SLIT3: variants seen among roughly 807,000 people sequenced by gnomAD.
SLIT3 encodes the protein slit guidance ligand 3.
In SLIT3, 68 loss-of-function variants were observed where a neutral mutation model predicts 184.0. The ratio of observed to expected loss-of-function variants is 0.37; its 90% CI spans 0.30 to 0.45. The LOEUF (loss-of-function observed/expected upper bound fraction) is 0.45. Among genes scored for constraint, SLIT3 ranks in the 20% least tolerant of loss-of-function variants. SLIT3 has a pLI of 1.00. For missense variants in SLIT3, 1,707 were observed against 2,026.0 expected (o/e 0.84, Z 3.02); for synonymous variants, 831 against 828.6 (o/e 1.00, Z -0.05).
At chr5:168,753,786 C>T (rs1482477820) in intron 17 of SLIT3, 78 bp downstream of exon 17, 13 of 1,529,788 alleles carry the variant, frequency 8.5e-6, no homozygotes, top group South Asian at 5.9e-5. Flanking sequence ...TCCCACTTGC[C>T]TTCGTAGTCT....
chr5:168,763,258 C>A (rs548371121), intron 14 of SLIT3, among the ~76,000 whole-genome samples: 1 of 152,132 alleles, frequency 6.6e-6, no homozygotes, highest in East Asian at 1.9e-4. Flanking sequence ...CAATAAATGA[C>A]CATCGACGCC....
At chr5:168,767,769 C>A (rs1031005047) in intron 14 of SLIT3, among the ~76,000 whole-genome samples, 1 of 152,180 alleles carries the variant, frequency 6.6e-6, no homozygotes, top group Non-Finnish European at 1.5e-5. Flanking sequence ...TTAGCTGCCA[C>A]TTGGAAAAAT....
chr5:169,061,457 G>A (rs1009785435), intron 4 of SLIT3, among the ~76,000 whole-genome samples: 1 of 152,202 alleles, frequency 6.6e-6, no homozygotes, highest in Non-Finnish European at 1.5e-5. Flanking sequence ...CTTAGGCAGA[G>A]GCCCAATAGC....
intron 4 of SLIT3, among the ~76,000 whole-genome samples, chr5:169,170,443 T>C (rs1026678345): frequency 4.6e-5 from 7 of 152,174 alleles, no homozygotes; most frequent in African/African-American, 1.7e-4. Flanking sequence ...CAGCCAATTG[T>C]TGGTCCTGGG....
chr5:168,765,193 C>T (rs1269986013), intron 14 of SLIT3, among the ~76,000 whole-genome samples: 1 of 152,266 alleles, frequency 6.6e-6, no homozygotes, highest in East Asian at 1.9e-4. Flanking sequence ...GGGACAGCCG[C>T]CTATTAAATG....
intron 4 of SLIT3, among the ~76,000 whole-genome samples, chr5:169,116,658 A>G (rs972764635): frequency 3.3e-5 from 5 of 152,224 alleles, no homozygotes; most frequent in African/African-American, 1.2e-4. Flanking sequence ...TGATCCTTCC[A>G]TTAATTATGT....
intron 4 of SLIT3, among the ~76,000 whole-genome samples, chr5:168,943,826 T>C (rs1762392784): frequency 6.6e-6 from 1 of 152,176 alleles, no homozygotes; most frequent in Non-Finnish European, 1.5e-5. Context: ...ACACCTTGAA[T>C]TAGTGCTTTG....
intron 4 of SLIT3, among the ~76,000 whole-genome samples, chr5:169,080,248 A>G (rs975749173): frequency 2.6e-5 from 4 of 152,178 alleles, no homozygotes; most frequent in African/African-American, 9.7e-5. Context: ...CCTAGTCAAA[A>G]AGAGGCCTCA....
intron 3 of SLIT3, among the ~76,000 whole-genome samples, chr5:169,215,997 A>T (rs4868391): frequency 0.24 from 36,517 of 152,170 alleles, 5,299 homozygotes; most frequent in Non-Finnish European, 0.34. Flanking sequence ...CATGCCTATT[A>T]TTATCCCTAA....
In SLIT3 at chr5:168,772,824, G is replaced by T. The variant is rs1399501911; in HGVS notation, c.1416C>A (p.Asn472Lys). The T allele has an allele frequency of 6.2e-7, 1 of 1,614,164 alleles. No homozygotes were observed. The highest frequency in any genetic ancestry group is 1.3e-5 in the African/African-American group (1 of 75,056). The change falls in exon 14 of 36, where the codon AAC becomes AAA. Residue 472 changes from asparagine (N) to lysine (K), a missense_variant. Asn to Lys is a moderately conservative substitution (Grantham distance 94). Around this residue, in one of 3 missense-constraint regions of SLIT3, gnomAD observed 1,307 missense variants for 1,511.6 expected, o/e 0.86. Coordinates refer to ENST00000519560, the MANE Select transcript of SLIT3 (RefSeq NM_003062.4). ...ARCSSPRRLA[N>K]KRISQIKSKK... ...TGCTCTTGATCTGGCTGATGCGCTT[G>T]TTGGCGAGTCGGCGCGGGCTGCTGC... is the stretch of plus-strand genomic sequence containing the variant.
At chr5:169,020,969 G>T (rs947953354) in intron 4 of SLIT3, among the ~76,000 whole-genome samples, 3 of 152,186 alleles carry the variant, frequency 2.0e-5, no homozygotes, top group African/African-American at 7.2e-5. Flanking sequence ...GAAGTGTCAG[G>T]GTTAGAGTCC....
At chr5:168,988,353 A>G (rs774868871) in intron 4 of SLIT3, among the ~76,000 whole-genome samples, 1 of 152,146 alleles carries the variant, frequency 6.6e-6, no homozygotes, top group Non-Finnish European at 1.5e-5. Context: ...AAGTCCTACA[A>G]TTCCATAATT....
chr5:169,156,911 ATGG>A (rs1223292161), intron 4 of SLIT3, among the ~76,000 whole-genome samples: 1 of 152,202 alleles, frequency 6.6e-6, no homozygotes, highest in Non-Finnish European at 1.5e-5. Context: ...AATGACACAG[ATGG>A]TGGTGAGTTC....
chr5:168,683,751 C>A (rs1278705732), intron 32 of SLIT3, among the ~76,000 whole-genome samples: 1 of 152,230 alleles, frequency 6.6e-6, no homozygotes, highest in Non-Finnish European at 1.5e-5. Context: ...CTCCCCTCTG[C>A]GGGCCTGCCT....
intron 14 of SLIT3, among the ~76,000 whole-genome samples, chr5:168,770,126 G>A (rs1276546289): frequency 1.3e-5 from 2 of 152,188 alleles, no homozygotes; most frequent in Non-Finnish European, 2.9e-5. Context: ...GTCCCAGGCA[G>A]CCAGACGGAG....
intron 9 of SLIT3, among the ~76,000 whole-genome samples, chr5:168,802,512 G>A (rs746061243): frequency 7.2e-5 from 11 of 152,320 alleles, no homozygotes; most frequent in South Asian, 2.1e-4. Flanking sequence ...CTGGTAGACC[G>A]TGGGTGCCCA....
Position 168,704,614 on chromosome 5 carries a change from A to G in SLIT3, c.2844+3362T>C, listed in dbSNP as rs1190715984. Among the ~76,000 whole-genome samples the G allele has an allele frequency of 5.9e-5, 9 of 152,220 alleles. No individual in the cohort carries two copies. The East Asian group carries it at 1.5e-3, about 26-fold the overall frequency. Reference sequence around the variant, plus strand: ...AAAAGACGATAATAAAACTTATTTCACAAGGTGATTAAGAGTACTACAAGA... The same window carrying G: ...AAAAGACGATAATAAAACTTATTTCGCAAGGTGATTAAGAGTACTACAAGA... On this transcript the variant is annotated intron_variant, in intron 26 of 35. Coordinates refer to ENST00000519560, the MANE Select transcript of SLIT3 (RefSeq NM_003062.4).
At chr5:168,906,899 T>A (rs1174989190) in intron 4 of SLIT3, among the ~76,000 whole-genome samples, 3 of 152,114 alleles carry the variant, frequency 2.0e-5, no homozygotes, top group Non-Finnish European at 4.4e-5. Context: ...CTCACTCTGC[T>A]GCCCAGGCTG....
chr5:168,919,463 T>C (rs1377608094), intron 4 of SLIT3, among the ~76,000 whole-genome samples: 1 of 152,078 alleles, frequency 6.6e-6, no homozygotes, highest in Admixed American at 6.6e-5. Flanking sequence ...GACATAACTA[T>C]GATATACTGT....
Sources: allele counts gnomAD v4.1 joint callset (sites outside exome capture counted in the v4.1 genomes callset), GRCh38; gene constraint gnomAD v4.1.1; regional missense constraint gnomAD v4.1.1; transcripts MANE v1.5; gene names NCBI Gene and HGNC (gene_info 2026-07-23, HGNC 2026-07-21).